Variants in SCN8A observed in about 807,000 individuals in gnomAD.
SCN8A encodes the protein sodium voltage-gated channel alpha subunit 8, also known as sodium channel protein type 8 subunit alpha.
A neutral mutation model predicts 184.1 loss-of-function variants in SCN8A; 30 were observed. The ratio of observed to expected loss-of-function variants is 0.16; its 90% CI spans 0.12 to 0.22. The LOEUF (loss-of-function observed/expected upper bound fraction) is 0.22. Among genes scored for constraint, SCN8A ranks in the 10% least tolerant of loss-of-function variants. The pLI is 1.00. For synonymous variants in SCN8A, 852 were observed against 907.0 expected, an observed-to-expected ratio of 0.94 and a Z score of 1.09; for missense variants, 1,057 against 2,498.9, an observed-to-expected ratio of 0.42 and a Z score of 12.30.
chr12:51,663,766 A>C (rs1347149526), intron 2 of SCN8A, among the ~76,000 whole-genome samples: 5 of 152,194 alleles, frequency 3.3e-5, no homozygotes, highest in African/African-American at 4.8e-5. Flanking sequence ...CTAAATCTTC[A>C]GCTACTTTCT....
chr12:51,673,230 A>G lies in SCN8A; in HGVS notation c.276+10137A>G, dbSNP rs185415581. Among the ~76,000 whole-genome samples the G allele has an allele frequency of 8.5e-5, 13 of 152,336 alleles. No individual in the cohort carries two copies. In the East Asian group the frequency reaches 2.5e-3, roughly 29 times the overall value. ...AACAATATAGTATAACTATTTATAA[A>G]GCATTTACATTGTATTAAGTATTAT... On this transcript the variant is annotated intron_variant, in intron 2 of 26. Transcript: ENST00000627620.
chr12:51,769,140 C>G lies in SCN8A; in HGVS notation c.3177C>G (p.Phe1059Leu). ...CAGACATCCACCGGAATGGTGACTT[C>G]CAGAAGAATGGCAATGGCACAACCA... Reference protein sequence around the residue: ...TGADIHRNGDFQKNGNGTTSG... With the variant: ...TGADIHRNGDLQKNGNGTTSG... Residue 1059 changes from phenylalanine (F) to leucine (L), a missense_variant, in exon 17 of 27, where the codon TTC (phenylalanine) becomes TTG (leucine). Physicochemically the swap from Phe to Leu is conservative, Grantham distance 22 (BLOSUM62 0). Coordinates refer to ENST00000627620, the MANE Select transcript of SCN8A (RefSeq NM_001330260.2). 1 of 1,613,350 alleles carries G rather than the reference C, an allele frequency of 6.2e-7. No homozygotes were observed. Among genetic ancestry groups the G allele is most frequent in the South Asian group, 1.1e-5 (1 of 90,936 alleles).
At chr12:51,707,031 G>C (rs60186852) in intron 11 of SCN8A, among the ~76,000 whole-genome samples, 5 of 152,084 alleles carry the variant, frequency 3.3e-5, no homozygotes, top group African/African-American at 1.2e-4. Context: ...CTATGTTGCT[G>C]CAAATGATAG....
chr12:51,639,572 G>A (rs778081384), intron 1 of SCN8A, among the ~76,000 whole-genome samples: 96 of 152,136 alleles, frequency 6.3e-4, no homozygotes, highest in Admixed American at 1.3e-3. Context: ...GCGCCACAGC[G>A]TGACTCAAAT....
chr12:51,683,519 C>T (rs1441843976), intron 2 of SCN8A, among the ~76,000 whole-genome samples: 5 of 152,132 alleles, frequency 3.3e-5, no homozygotes, highest in African/African-American at 4.8e-5. Flanking sequence ...TTCTCACTTC[C>T]TTCCAGTCTT....
chr12:51,606,901 T>G (rs1259483769), intron 1 of SCN8A, among the ~76,000 whole-genome samples: 1 of 150,176 alleles, frequency 6.7e-6, no homozygotes, highest in Admixed American at 6.6e-5. Context: ...TATTTATTTA[T>G]TTATTTTTTT....
Position 51,766,131 on chromosome 12 carries a change from T to A in SCN8A, c.2901+104T>A, listed in dbSNP as rs146658201. 3.3e-6 allele frequency: 3 copies of A among 908,248 alleles called. No homozygotes were observed. The African/African-American group carries it at 4.9e-5, about 15-fold the overall frequency. 56.3% of individuals were successfully genotyped at this position (908,248 alleles called of 1,614,324 possible). On this transcript the variant is annotated intron_variant, in intron 16 of 26. Coordinates refer to ENST00000627620, the MANE Select transcript of SCN8A (RefSeq NM_001330260.2). ...TGCTTAGTCCTTCTACTACCCGTCA[T>A]GTTTGTTGATTTTTATTCTTTCTTG...
chr12:51,728,810 C>G (rs1423210229), intron 12 of SCN8A, among the ~76,000 whole-genome samples: 1 of 151,914 alleles, frequency 6.6e-6, no homozygotes, highest in Non-Finnish European at 1.5e-5. Flanking sequence ...TTTTTGTTCC[C>G]ATTTTCAACT....
At chr12:51,731,559 T>G (rs941339994) in intron 12 of SCN8A, among the ~76,000 whole-genome samples, 2 of 152,184 alleles carry the variant, frequency 1.3e-5, no homozygotes, top group African/African-American at 4.8e-5. Flanking sequence ...CTGGATATAT[T>G]GATTTCTTTT....
intron 19 of SCN8A, among the ~76,000 whole-genome samples, chr12:51,772,809 T>G (rs947874319): frequency 5.5e-5 from 8 of 144,702 alleles, no homozygotes; most frequent in Non-Finnish European, 1.1e-4. Context: ...TGAAACCCCA[T>G]CTCTACTAAA....
At chr12:51,651,904 TAAAG>T (rs1940722770) in intron 1 of SCN8A, among the ~76,000 whole-genome samples, 1 of 152,208 alleles carries the variant, frequency 6.6e-6, no homozygotes, top group African/African-American at 2.4e-5. Context: ...TAATTAATTA[TAAAG>T]AAACTATTTT....
rs1938491962 is a variant in SCN8A at position 51,799,242 on chromosome 12, T to C, written c.4795+4601T>C. On this transcript the variant is annotated intron_variant, in intron 26 of 26. Transcript: ENST00000627620. Reference sequence around the variant, plus strand: ...TGAGCTACTTCCTCTTGTAACTTACTTGTGCCTTTAGGACCTGCTCGAGCC... The same window carrying C: ...TGAGCTACTTCCTCTTGTAACTTACCTGTGCCTTTAGGACCTGCTCGAGCC... 2.0e-5 allele frequency among the ~76,000 whole-genome samples: 3 copies of C among 152,216 alleles called. No individual in the cohort carries two copies. The South Asian group carries it at 6.2e-4, about 31-fold the overall frequency.
intron 1 of SCN8A, among the ~76,000 whole-genome samples, chr12:51,615,945 T>A (rs2138586597): frequency 6.6e-6 from 1 of 152,296 alleles, no homozygotes; most frequent in East Asian, 1.9e-4. Flanking sequence ...TTGCCCAGGC[T>A]GGTCTTAAAC....
At chr12:51,661,745 C>G (rs1940929433) in intron 1 of SCN8A, among the ~76,000 whole-genome samples, 1 of 152,182 alleles carries the variant, frequency 6.6e-6, no homozygotes. Context: ...CTTACCTGCT[C>G]AGGTCATTTT....
intron 20 of SCN8A, among the ~76,000 whole-genome samples, chr12:51,776,664 G>T (rs1169257205): frequency 6.6e-6 from 1 of 152,180 alleles, no homozygotes; most frequent in Non-Finnish European, 1.5e-5. Flanking sequence ...TTTGAATTGT[G>T]GATGAACAAT....
At chr12:51,687,035 G>A in intron 4 of SCN8A, 56 bp from the exon 5 acceptor site, 2 of 1,594,246 alleles carry the variant, frequency 1.3e-6, no homozygotes, top group Non-Finnish European at 1.7e-6. Context: ...TAACTTAAAA[G>A]GTTCATTTAA....
At chr12:51,802,727 A>G (rs1017620336) in intron 26 of SCN8A, among the ~76,000 whole-genome samples, 1 of 152,200 alleles carries the variant, frequency 6.6e-6, no homozygotes, top group African/African-American at 2.4e-5. Flanking sequence ...GGTTCTCCAC[A>G]TATGGTCAAA....
intron 1 of SCN8A, among the ~76,000 whole-genome samples, chr12:51,657,296 C>A (rs1940840301): frequency 6.6e-6 from 1 of 151,990 alleles, no homozygotes; most frequent in African/African-American, 2.4e-5. Flanking sequence ...TTTATCATTT[C>A]TTTGTATTAG....
At chr12:51,739,643 C>CA (rs1337182221) in intron 12 of SCN8A, among the ~76,000 whole-genome samples, 3 of 152,316 alleles carry the variant, frequency 2.0e-5, no homozygotes, top group Middle Eastern at 3.4e-3. Context: ...CCTTCTTACT[C>CA]ACCATGGGGA....
Sources: allele counts gnomAD v4.1 joint callset (sites outside exome capture counted in the v4.1 genomes callset), GRCh38; gene constraint gnomAD v4.1.1; transcripts MANE v1.5; gene names NCBI Gene and HGNC (gene_info 2026-07-23, HGNC 2026-07-21).